The following STXBP5 variants were observed in gnomAD, a reference collection of about 807,000 sequenced individuals.
The protein encoded by STXBP5 is syntaxin-binding protein 5.
A neutral mutation model predicts 152.4 loss-of-function variants in STXBP5; 50 were observed. That is an observed-to-expected ratio of 0.33 (90% CI 0.26 to 0.42). The LOEUF is 0.42. Among genes scored for constraint, STXBP5 ranks in the 10% least tolerant of loss-of-function variants. STXBP5 has a pLI of 1.00. For synonymous variants in STXBP5, 492 were observed against 494.7 expected, an observed-to-expected ratio of 0.99 and a Z score of 0.07; for missense variants, 1,167 against 1,388.6, an observed-to-expected ratio of 0.84 and a Z score of 2.54.
intron 23 of STXBP5, among the ~76,000 whole-genome samples, chr6:147,363,088 T>G (rs572646746): frequency 3.3e-5 from 5 of 152,318 alleles, no homozygotes; most frequent in South Asian, 2.1e-4. Context: ...TTTGCAAAAT[T>G]TATCATATGT....
intron 26 of STXBP5, among the ~76,000 whole-genome samples, chr6:147,382,436 G>A (rs540182635): frequency 6.6e-5 from 10 of 151,876 alleles, no homozygotes; most frequent in Non-Finnish European, 1.5e-4. Flanking sequence ...AATATCTTTC[G>A]TTTTTTGCAC....
At chr6:147,344,539 C>T (rs1784233885) in intron 21 of STXBP5, among the ~76,000 whole-genome samples, 1 of 152,200 alleles carries the variant, frequency 6.6e-6, no homozygotes, top group Admixed American at 6.5e-5. Flanking sequence ...TTGATTTCTT[C>T]TGATGCCTCT....
intron 9 of STXBP5, among the ~76,000 whole-genome samples, chr6:147,295,644 C>T (rs1781482121): frequency 6.6e-6 from 1 of 152,304 alleles, no homozygotes; most frequent in African/African-American, 2.4e-5. Context: ...AGCCAGGAGG[C>T]ACTTCCCCTT....
At chr6:147,346,672 G>A (rs887689123) in intron 21 of STXBP5, among the ~76,000 whole-genome samples, 3 of 151,964 alleles carry the variant, frequency 2.0e-5, no homozygotes, top group Non-Finnish European at 4.4e-5. Context: ...CCCAGGCGGC[G>A]GAGGTTGCAG....
intron 8 of STXBP5, among the ~76,000 whole-genome samples, chr6:147,282,893 CA>C (rs1435108878): frequency 5.3e-5 from 8 of 152,000 alleles, no homozygotes; most frequent in Non-Finnish European, 1.5e-5. Context: ...GGTGCTAGAC[CA>C]GGGGTGCCTT....
At chr6:147,369,203 A>C in intron 25 of STXBP5, among the ~76,000 whole-genome samples, 1 of 152,080 alleles carries the variant, frequency 6.6e-6, no homozygotes, top group East Asian at 1.9e-4. Flanking sequence ...GGAAGGCGCA[A>C]GGCAATGCAA....
chr6:147,348,237 C>T (rs1195035749), intron 21 of STXBP5, among the ~76,000 whole-genome samples: 1 of 152,126 alleles, frequency 6.6e-6, no homozygotes, highest in Non-Finnish European at 1.5e-5. Context: ...AGATACTGCA[C>T]AGTTCTTCTG....
At chr6:147,263,617 T>A (rs1779750119) in intron 6 of STXBP5, among the ~76,000 whole-genome samples, 1 of 152,068 alleles carries the variant, frequency 6.6e-6, no homozygotes, top group Non-Finnish European at 1.5e-5. Flanking sequence ...CAGGATATCT[T>A]TACCTGAATG....
chr6:147,336,109 A>T (rs999502782), intron 19 of STXBP5, among the ~76,000 whole-genome samples: 1 of 152,220 alleles, frequency 6.6e-6, no homozygotes, highest in Admixed American at 6.5e-5. Context: ...TCTCTGAGAC[A>T]TTATGTCGGT....
At chr6:147,221,049 T>TTA (rs1777433206) in intron 2 of STXBP5, among the ~76,000 whole-genome samples, 1 of 152,092 alleles carries the variant, frequency 6.6e-6, no homozygotes, top group African/African-American at 2.4e-5. Flanking sequence ...AGCATATCAG[T>TTA]TATACTTCTT....
At chr6:147,282,486 T>C (rs1780748161) in intron 8 of STXBP5, among the ~76,000 whole-genome samples, 1 of 152,180 alleles carries the variant, frequency 6.6e-6, no homozygotes, top group Non-Finnish European at 1.5e-5. Context: ...ACTTGTAAAA[T>C]GGCAAGATTG....
intron 21 of STXBP5, among the ~76,000 whole-genome samples, chr6:147,340,729 T>A (rs777022251): frequency 6.6e-6 from 1 of 152,102 alleles, no homozygotes; most frequent in Non-Finnish European, 1.5e-5. Flanking sequence ...GTGCTGGGGT[T>A]CTATTTATTA....
In STXBP5 at chr6:147,389,666, T is replaced by C. The variant is rs1786500030; in HGVS notation, c.*4911T>C. On this transcript the variant is annotated 3_prime_UTR_variant, in exon 28 of 28. Coordinates refer to ENST00000321680, the MANE Select transcript of STXBP5 (RefSeq NM_001127715.4). ...TAGGTTAATGGCAATGGAATCCTAT[T>C]TATTTGGTAGTTGGTTTTGTTTGTT... The C allele has an allele frequency of 6.6e-6, 1 of 151,900 alleles. No individual in the cohort carries two copies. Among genetic ancestry groups the C allele is most frequent in the African/African-American group, 2.4e-5 (1 of 41,440 alleles). 9.4% of individuals were successfully genotyped at this position (151,900 alleles called of 1,614,324 possible). A position where few individuals can be genotyped will look rare whatever the true frequency, so the allele number is the denominator to read the frequency against.
chr6:147,287,234 G>T (rs1197506428), intron 8 of STXBP5, among the ~76,000 whole-genome samples: 2 of 108,178 alleles, frequency 1.8e-5, no homozygotes, highest in Non-Finnish European at 3.4e-5. Flanking sequence ...ACGGAGTCTC[G>T]CTCTGTCGCC....
chr6:147,272,278 C>A (rs1420439056), intron 7 of STXBP5, among the ~76,000 whole-genome samples: 1 of 152,058 alleles, frequency 6.6e-6, no homozygotes, highest in Non-Finnish European at 1.5e-5. Flanking sequence ...TTTAACAAAA[C>A]TGGAAAAAAA....
chr6:147,259,287 C>G (rs1451338058), intron 4 of STXBP5, among the ~76,000 whole-genome samples: 1 of 152,010 alleles, frequency 6.6e-6, no homozygotes, highest in Non-Finnish European at 1.5e-5. Flanking sequence ...GTTAGTTTTA[C>G]AGTTGACTGA....
At chr6:147,349,114 A>G (rs1333778064) in intron 21 of STXBP5, among the ~76,000 whole-genome samples, 1 of 152,198 alleles carries the variant, frequency 6.6e-6, no homozygotes, top group African/African-American at 2.4e-5. Flanking sequence ...TAGCCCTCTG[A>G]ATCTGTTAAT....
In STXBP5 at chr6:147,379,041, G is replaced by A. The variant is rs186162365; in HGVS notation, c.3194-3737G>A. On this transcript the variant is annotated intron_variant, in intron 26 of 27. Transcript: ENST00000321680. ...TCCTTGGTTTCTGGTCCCATTGTCAGTATTCAAGGCCAACAACCTTGCATA... is the reference window on the plus strand; with the variant it reads ...TCCTTGGTTTCTGGTCCCATTGTCAATATTCAAGGCCAACAACCTTGCATA... 9.9e-5 allele frequency among the ~76,000 whole-genome samples: 15 copies of A among 151,762 alleles called. No individual in the cohort carries two copies. In the East Asian group the frequency reaches 2.9e-3, roughly 30 times the overall value.
intron 8 of STXBP5, among the ~76,000 whole-genome samples, chr6:147,282,844 C>T (rs1174270277): frequency 6.6e-6 from 1 of 152,148 alleles, no homozygotes; most frequent in Non-Finnish European, 1.5e-5. Context: ...CTGTGATTGT[C>T]AGCTTTACCA....
Sources: allele counts gnomAD v4.1 joint callset (sites outside exome capture counted in the v4.1 genomes callset), GRCh38; gene constraint gnomAD v4.1.1; transcripts MANE v1.5; gene names NCBI Gene and HGNC (gene_info 2026-07-23, HGNC 2026-07-21).